Variants in NUBPL observed in about 807,000 individuals in gnomAD.
NUBPL encodes the protein NUBP iron-sulfur cluster assembly factor, mitochondrial.
A neutral mutation model predicts 45.7 loss-of-function variants in NUBPL; 31 were observed. The observed-to-expected ratio is 0.68, with a 90% confidence interval of 0.51 to 0.92. The LOEUF is 0.92. Ranked by LOEUF, NUBPL falls within the 40% of genes least tolerant of loss-of-function variation. The pLI is 0.00. For missense variants in NUBPL, 401 were observed against 398.7 expected (o/e 1.01, Z -0.05); for synonymous variants, 144 against 140.9 (o/e 1.02, Z -0.15).
chr14:31,575,354 T>G (rs1190948318), intron 3 of NUBPL, among the ~76,000 whole-genome samples: 1 of 152,224 alleles, frequency 6.6e-6, no homozygotes, highest in Non-Finnish European at 1.5e-5. Flanking sequence ...TCCAGCATTT[T>G]TGTGTGAGAT....
At chr14:31,666,553 G>A (rs996814909) in intron 4 of NUBPL, among the ~76,000 whole-genome samples, 2 of 151,940 alleles carry the variant, frequency 1.3e-5, no homozygotes, top group Non-Finnish European at 2.9e-5. Context: ...ATGAGCCACC[G>A]TGCCCGGCCA....
At chr14:31,726,258 G>A (rs1472786936) in intron 6 of NUBPL, among the ~76,000 whole-genome samples, 7 of 152,182 alleles carry the variant, frequency 4.6e-5, no homozygotes, top group South Asian at 2.1e-4. Flanking sequence ...CCAAAGCACC[G>A]ATAGAATTAT....
chr14:31,717,964 T>A (rs2037726077), intron 6 of NUBPL, among the ~76,000 whole-genome samples: 1 of 152,186 alleles, frequency 6.6e-6, no homozygotes, highest in Non-Finnish European at 1.5e-5. Context: ...TCTTTTTGTT[T>A]GTGGAGTGAT....
chr14:31,754,901 A>G (rs2138701694), intron 6 of NUBPL, among the ~76,000 whole-genome samples: 1 of 121,948 alleles, frequency 8.2e-6, no homozygotes, highest in African/African-American at 3.2e-5. Flanking sequence ...TCCTGTGTCC[A>G]TGCGTTCTCA....
At chr14:31,566,613 A>G (rs2033443031) in intron 3 of NUBPL, among the ~76,000 whole-genome samples, 3 of 152,064 alleles carry the variant, frequency 2.0e-5, no homozygotes, top group African/African-American at 7.2e-5. Flanking sequence ...AAAAGTGTCC[A>G]CATCCTAATT....
chr14:31,741,883 C>T (rs1445936620), intron 6 of NUBPL, among the ~76,000 whole-genome samples: 2 of 152,024 alleles, frequency 1.3e-5, no homozygotes, highest in Non-Finnish European at 2.9e-5. Flanking sequence ...TCAGTTTGTT[C>T]AGTTTTTTAC....
intron 3 of NUBPL, among the ~76,000 whole-genome samples, chr14:31,582,191 T>C (rs908523397): frequency 6.6e-6 from 1 of 151,994 alleles, no homozygotes; most frequent in African/African-American, 2.4e-5. Context: ...TAGGGACAAT[T>C]TGAAAATTAG....
intron 8 of NUBPL, chr14:31,845,368 A>C (rs183069712): frequency 1.3e-5 from 2 of 152,316 alleles, no homozygotes; most frequent in African/African-American, 2.4e-5. Context: ...AGAATGATAA[A>C]ATAACCATCT....
rs781135058 is a variant in NUBPL at position 31,846,573 on chromosome 14, C to G, written c.796C>G (p.Leu266Val). ...ADGARKLAQT[L>V]GLEVLGDIPL... ...TGGTGCAAGGAAACTAGCACAGACC[C>G]TTGGTCTTGAAGTTCTAGGTAAGAC... The change falls in exon 9 of 11, where the codon CTT (leucine) becomes GTT (valine). Residue 266 changes from leucine (L) to valine (V), a missense_variant. Transcript: ENST00000281081. The G allele has an allele frequency of 4.3e-6, 7 of 1,613,540 alleles. No individual in the cohort carries two copies. The highest frequency in any genetic ancestry group is 5.9e-6 in the Non-Finnish European group (7 of 1,179,766).
intron 4 of NUBPL, among the ~76,000 whole-genome samples, chr14:31,672,084 TG>T (rs1021180306): frequency 3.4e-4 from 52 of 152,340 alleles, no homozygotes; most frequent in African/African-American, 1.2e-3. Context: ...TGTAATCATT[TG>T]TTGACTATAT....
intron 6 of NUBPL, among the ~76,000 whole-genome samples, chr14:31,713,313 G>A (rs570685004): frequency 3.9e-5 from 6 of 152,030 alleles, no homozygotes; most frequent in Admixed American, 2.0e-4. Flanking sequence ...ATAGTTTTTC[G>A]TCTTTGAGTT....
At chr14:31,762,008 AT>A (rs1453842437) in intron 6 of NUBPL, among the ~76,000 whole-genome samples, 1 of 152,106 alleles carries the variant, frequency 6.6e-6, no homozygotes, top group South Asian at 2.1e-4. Flanking sequence ...TTTATAAATA[AT>A]TTTTCAACAG....
chr14:31,625,371 T>C (rs768418460), intron 4 of NUBPL, among the ~76,000 whole-genome samples: 1 of 152,200 alleles, frequency 6.6e-6, no homozygotes, highest in Non-Finnish European at 1.5e-5. Context: ...TGTGTGACCC[T>C]TAGGAAATCA....
At chr14:31,565,796 T>C (rs2033420657) in intron 3 of NUBPL, among the ~76,000 whole-genome samples, 1 of 152,252 alleles carries the variant, frequency 6.6e-6, no homozygotes, top group East Asian at 1.9e-4. Flanking sequence ...TCAAAAGATA[T>C]TCCTACTTTA....
intron 3 of NUBPL, among the ~76,000 whole-genome samples, chr14:31,589,674 G>GCT (rs965742588): frequency 5.3e-5 from 8 of 152,020 alleles, no homozygotes; most frequent in South Asian, 4.2e-4. Flanking sequence ...TCCTCCACAA[G>GCT]CACACACACA....
At chr14:31,587,941 T>C (rs958063834) in intron 3 of NUBPL, among the ~76,000 whole-genome samples, 2 of 152,252 alleles carry the variant, frequency 1.3e-5, no homozygotes, top group Non-Finnish European at 2.9e-5. Flanking sequence ...TTGTTTTGTA[T>C]GATAAATAAA....
intron 8 of NUBPL, among the ~76,000 whole-genome samples, chr14:31,838,279 C>CAA (rs748313330): frequency 0.1 from 6,051 of 59,638 alleles, 657 homozygotes; most frequent in African/African-American, 0.26. Context: ...TAATATCCAG[C>CAA]AAAAAAAAAA....
At chr14:31,572,460 G>GA (rs2033613491) in intron 3 of NUBPL, among the ~76,000 whole-genome samples, 1 of 152,170 alleles carries the variant, frequency 6.6e-6, no homozygotes, top group Non-Finnish European at 1.5e-5. Flanking sequence ...TTATGATTAA[G>GA]AACTAGGTTG....
At chr14:31,646,373 G>C (rs2035853278) in intron 4 of NUBPL, among the ~76,000 whole-genome samples, 1 of 152,044 alleles carries the variant, frequency 6.6e-6, no homozygotes, top group Non-Finnish European at 1.5e-5. Flanking sequence ...TTTTAGCAGA[G>C]ATGGGGAGTC....
Sources: allele counts gnomAD v4.1 joint callset (sites outside exome capture counted in the v4.1 genomes callset), GRCh38; gene constraint gnomAD v4.1.1; transcripts MANE v1.5; gene names NCBI Gene and HGNC (gene_info 2026-07-23, HGNC 2026-07-21).